Variants in DRC1 observed in about 807,000 individuals in gnomAD.
The protein encoded by DRC1 is dynein regulatory complex subunit 1, also known as dynein regulatory complex protein 1.
A neutral mutation model predicts 98.7 loss-of-function variants in DRC1; 74 were observed. The observed-to-expected ratio is 0.75, with a 90% CI of 0.62 to 0.91. DRC1 has a LOEUF of 0.91. Among genes scored for constraint, DRC1 ranks in the 40% least tolerant of loss-of-function variants. The pLI, the probability that DRC1 is intolerant of heterozygous loss-of-function variation, is 0.00. For synonymous variants in DRC1, 336 were observed against 334.1 expected (o/e 1.01, Z -0.06); for missense variants, 875 against 886.0 (o/e 0.99, Z 0.16).
At chr2:26,420,518 A>G (rs1468968406) in intron 2 of DRC1, among the ~76,000 whole-genome samples, 3 of 152,204 alleles carry the variant, frequency 2.0e-5, no homozygotes, top group Non-Finnish European at 4.4e-5. Context: ...AGATGAATGT[A>G]CAATATCTGC....
chr2:26,429,614 A>G lies in DRC1; in HGVS notation c.541-14A>G, dbSNP rs1000000016. The stretch of plus-strand genomic sequence containing the variant: ...ACACAGTTTGTGGCCAGACTTTTAC[A>G]TGCTCTTTTCTAGGAGTTAAAAACA... On this transcript the variant is annotated splice_polypyrimidine_tract_variant and intron_variant, in intron 4 of 16. Transcript: ENST00000288710. 21 of 1,612,820 alleles carry G rather than the reference A, an allele frequency of 1.3e-5. No homozygotes were observed. In the Middle Eastern group the frequency reaches 2.3e-3, roughly 177 times the overall value.
chr2:26,455,096 T>C (rs552206252), intron 15 of DRC1, 35 bp from the exon 16 acceptor site: 1 of 1,610,414 alleles, frequency 6.2e-7, no homozygotes, highest in East Asian at 2.2e-5. Flanking sequence ...GGATGGAGGA[T>C]TCAGTGAGCC....
chr2:26,422,325 A>G (rs1454011503), intron 3 of DRC1, among the ~76,000 whole-genome samples: 2 of 152,208 alleles, frequency 1.3e-5, no homozygotes, highest in African/African-American at 4.8e-5. Context: ...AGACCCACGA[A>G]TACCTCAGTG....
At chr2:26,426,246 C>A (rs540396820) in intron 4 of DRC1, among the ~76,000 whole-genome samples, 1 of 152,282 alleles carries the variant, frequency 6.6e-6, no homozygotes, top group East Asian at 1.9e-4. Context: ...CTTGTCAAAG[C>A]CATTTGGTCA....
intron 7 of DRC1, among the ~76,000 whole-genome samples, chr2:26,434,689 A>T (rs1663525209): frequency 6.6e-6 from 1 of 152,136 alleles, no homozygotes; most frequent in South Asian, 2.1e-4. Flanking sequence ...CGGGAGATCG[A>T]GATCATCCTG....
chr2:26,429,833 C>G (rs1663387851), intron 5 of DRC1, 68 bp downstream of exon 5: 1 of 1,540,032 alleles, frequency 6.5e-7, no homozygotes, highest in African/African-American at 1.4e-5. Flanking sequence ...TAGGTCTGTC[C>G]TAATAATCTA....
At chr2:26,438,163 T>G (rs573482875) in intron 7 of DRC1, among the ~76,000 whole-genome samples, 1 of 144,980 alleles carries the variant, frequency 6.9e-6, no homozygotes, top group South Asian at 2.2e-4. Context: ...ACATGGAAAA[T>G]TGTTGTAATA....
intron 2 of DRC1, among the ~76,000 whole-genome samples, chr2:26,418,846 C>A (rs1678944474): frequency 1.5e-5 from 2 of 132,328 alleles, no homozygotes; most frequent in African/African-American, 2.8e-5. Context: ...ATATATAAAG[C>A]ATATTATATA....
intron 1 of DRC1, among the ~76,000 whole-genome samples, chr2:26,411,786 ACT>A (rs1415480471): frequency 6.7e-6 from 1 of 148,708 alleles, no homozygotes; most frequent in Non-Finnish European, 1.5e-5. Flanking sequence ...ACAGAGCAAG[ACT>A]CTGTCTTAAA....
intron 14 of DRC1, among the ~76,000 whole-genome samples, chr2:26,453,961 G>C (rs1664075227): frequency 6.6e-6 from 1 of 152,214 alleles, no homozygotes; most frequent in Non-Finnish European, 1.5e-5. Flanking sequence ...AGATAAAATG[G>C]AGGTAAGGGC....
intron 7 of DRC1, among the ~76,000 whole-genome samples, chr2:26,433,196 T>TA (rs1458608899): frequency 3.9e-5 from 6 of 152,200 alleles, no homozygotes; most frequent in South Asian, 2.1e-4. Flanking sequence ...CAATACCAGC[T>TA]AAAAAATGTA....
chr2:26,433,651 C>G (rs1663494557), intron 7 of DRC1, among the ~76,000 whole-genome samples: 1 of 152,148 alleles, frequency 6.6e-6, no homozygotes, highest in Admixed American at 6.5e-5. Context: ...ATCCAATGTC[C>G]AAATATTTGA....
Position 26,444,258 on chromosome 2 carries a change from T to C in DRC1, c.1065T>C (p.Tyr355=), listed in dbSNP as rs773586230. Residue 355 remains tyrosine (Y), a synonymous_variant, in exon 9 of 17, where the codon TAT becomes TAC. Transcript: ENST00000288710. ...HDILNNLRSK[Y]AKQIKQFQEE... is the part of the protein sequence containing the mutation. The stretch of plus-strand genomic sequence containing the variant: ...TACTTAACAATCTGAGATCAAAATA[T>C]GCCAAGCAAATAAAGCAGTTTCAGG... The C allele has an allele frequency of 6.2e-7, 1 of 1,614,192 alleles. No homozygotes were observed. Among genetic ancestry groups the C allele is most frequent in the East Asian group, 2.2e-5 (1 of 44,888 alleles).
intron 3 of DRC1, 64 bp from the exon 4 acceptor site, chr2:26,424,207 C>G: frequency 1.3e-6 from 2 of 1,587,620 alleles, no homozygotes. Context: ...AGAGAACGTA[C>G]CTGCTCTACT....
At chr2:26,443,913 A>G (rs1663784016) in intron 8 of DRC1, among the ~76,000 whole-genome samples, 1 of 152,134 alleles carries the variant, frequency 6.6e-6, no homozygotes, top group African/African-American at 2.4e-5. Flanking sequence ...AGGTATGGGT[A>G]TGGGCATTCT....
chr2:26,444,607 C>A, intron 9 of DRC1, 109 bp from the exon 10 acceptor site: 2 of 1,158,888 alleles, frequency 1.7e-6, no homozygotes, highest in Non-Finnish European at 2.4e-6. Flanking sequence ...TGGGGCCAGG[C>A]CCAGGAATTA....
At chr2:26,442,619 G>C (rs1184759162) in intron 8 of DRC1, among the ~76,000 whole-genome samples, 1 of 151,726 alleles carries the variant, frequency 6.6e-6, no homozygotes, top group African/African-American at 2.4e-5. Flanking sequence ...TCCCCTTTTT[G>C]TTGATGACTG....
At chr2:26,442,524 A>G (rs1448568988) in intron 8 of DRC1, among the ~76,000 whole-genome samples, 2 of 152,184 alleles carry the variant, frequency 1.3e-5, no homozygotes, top group Non-Finnish European at 2.9e-5. Flanking sequence ...GTATCTAGAT[A>G]AGACAATCTA....
intron 7 of DRC1, among the ~76,000 whole-genome samples, chr2:26,439,936 T>TATATATATATATATATATATAC (rs548209014): frequency 0.011 from 814 of 75,484 alleles, 91 homozygotes; most frequent in South Asian, 0.022. Context: ...TATATATATA[T>TATATATATATATATATATATAC]ACACACACAC....
Sources: allele counts gnomAD v4.1 joint callset (sites outside exome capture counted in the v4.1 genomes callset), GRCh38; gene constraint gnomAD v4.1.1; transcripts MANE v1.5; gene names NCBI Gene and HGNC (gene_info 2026-07-23, HGNC 2026-07-21).